SPATA9: variants seen among roughly 807,000 people sequenced by gnomAD.
SPATA9 encodes the protein spermatogenesis-associated protein 9.
In SPATA9, 27 loss-of-function variants were observed where a neutral mutation model predicts 25.5. The ratio of observed to expected loss-of-function variants is 1.06; its 90% CI spans 0.78 to 1.46. The LOEUF is 1.46. Ranked by LOEUF, SPATA9 falls within the 40% of genes most tolerant of loss-of-function variation. SPATA9 has a pLI of 0.00. For synonymous variants in SPATA9, 102 were observed against 105.7 expected (o/e 0.97, Z 0.21); for missense variants, 282 against 297.5 (o/e 0.95, Z 0.38).
At chr5:95,686,738 T>C (rs998792860), upstream of SPATA9, among the ~76,000 whole-genome samples, 1 of 152,146 alleles carries the variant, frequency 6.6e-6, no homozygotes, top group Non-Finnish European at 1.5e-5. Flanking sequence ...CATCCCACTC[T>C]GAAAAATCCA....
At chr5:95,707,120 A>G in the SPATA9 span, among the ~76,000 whole-genome samples, 1 of 152,246 alleles carries the variant, frequency 6.6e-6, no homozygotes, top group Non-Finnish European at 1.5e-5. Context: ...CTAAATTATC[A>G]TTCAAGAATA....
chr5:95,696,405 T>C (rs1401822785), intron 1 of SPATA9, among the ~76,000 whole-genome samples: 6 of 152,234 alleles, frequency 3.9e-5, no homozygotes. Context: ...TCTAGTACCA[T>C]AGAAAACATT....
intron 3 of SPATA9, among the ~76,000 whole-genome samples, chr5:95,668,929 G>A (rs879715861): frequency 6.6e-6 from 1 of 152,168 alleles, no homozygotes; most frequent in African/African-American, 2.4e-5. Flanking sequence ...ACCCTGACGA[G>A]AGTTACAAGG....
the SPATA9 span, among the ~76,000 whole-genome samples, chr5:95,714,645 G>A: frequency 6.6e-6 from 1 of 150,786 alleles, no homozygotes; most frequent in Non-Finnish European, 1.5e-5. Flanking sequence ...TTAAGAAAGA[G>A]AGAATCATTT....
At chr5:95,706,430 T>A in the SPATA9 span, among the ~76,000 whole-genome samples, 30,282 of 150,676 alleles carry the variant, frequency 0.2, 3,204 homozygotes, top group South Asian at 0.34. Context: ...ATGGGTGGAG[T>A]CGTGCCTGCT....
chr5:95,731,355 C>T, the SPATA9 span: 1 of 1,131,470 alleles, frequency 8.8e-7, no homozygotes, highest in Non-Finnish European at 1.1e-6. Context: ...CGACAGCTGC[C>T]AGCCGAGGAG....
chr5:95,660,006 C>G (rs1751120018), intron 4 of SPATA9, among the ~76,000 whole-genome samples: 1 of 152,080 alleles, frequency 6.6e-6, no homozygotes, highest in Non-Finnish European at 1.5e-5. Flanking sequence ...AACCTAAGGA[C>G]TAAAAAGTTT....
chr5:95,683,096 A>T, upstream of SPATA9: 2 of 950,292 alleles, frequency 2.1e-6, no homozygotes, highest in East Asian at 6.8e-5. Context: ...TGGAGGCATA[A>T]GGGAAGGAGT....
chr5:95,725,457 G>A, the SPATA9 span, among the ~76,000 whole-genome samples: 1 of 152,238 alleles, frequency 6.6e-6, no homozygotes, highest in Non-Finnish European at 1.5e-5. Flanking sequence ...GAAGAGGGCT[G>A]TAGCTGAAGA....
At chr5:95,661,102 A>G (rs917588029) in intron 4 of SPATA9, among the ~76,000 whole-genome samples, 4 of 151,930 alleles carry the variant, frequency 2.6e-5, no homozygotes, top group African/African-American at 4.8e-5. Flanking sequence ...CTTTACTACT[A>G]TATCTAATGG....
chr5:95,656,257 ACT>A, downstream of SPATA9: 2 of 1,613,286 alleles, frequency 1.2e-6, no homozygotes, highest in African/African-American at 1.3e-5. Flanking sequence ...TTTAAGTGTG[ACT>A]CTGATTTTTA....
chr5:95,707,865 A>G, the SPATA9 span, among the ~76,000 whole-genome samples: 5 of 152,316 alleles, frequency 3.3e-5, no homozygotes, highest in South Asian at 1.0e-3. Context: ...CAGAGTTAGT[A>G]AAAACCAGGT....
rs953150589 is a variant in SPATA9 at position 95,682,791 on chromosome 5, T to C, written c.61+3A>G. On this transcript the variant is annotated splice_donor_region_variant and intron_variant, in intron 1 of 4. Coordinates refer to ENST00000274432, the MANE Select transcript of SPATA9 (RefSeq NM_031952.4). ...ACGCCCTTTACAACAAGATTGTGTA[T>C]ACTTCTTCCAGAAAAGTTCTTCAAC... is the stretch of plus-strand genomic sequence containing the variant. 2 of 1,545,518 alleles carry C rather than the reference T, an allele frequency of 1.3e-6. No individual in the cohort carries two copies. Among genetic ancestry groups the C allele is most frequent in the South Asian group, 1.3e-5 (1 of 76,940 alleles).
At chr5:95,705,237 G>A in the SPATA9 span, among the ~76,000 whole-genome samples, 11 of 152,144 alleles carry the variant, frequency 7.2e-5, no homozygotes, top group Middle Eastern at 3.4e-3. Context: ...AAAGTGCTGC[G>A]ATTACAGGCG....
At chr5:95,655,509 G>A (rs1750693582), downstream of SPATA9, 1 of 152,698 alleles carries the variant, frequency 6.5e-6, no homozygotes, top group Non-Finnish European at 1.5e-5. Flanking sequence ...CATTTAAACA[G>A]AGAGACATGC....
upstream of SPATA9, among the ~76,000 whole-genome samples, chr5:95,702,278 C>T (rs1286077630): frequency 6.6e-6 from 1 of 152,132 alleles, no homozygotes; most frequent in Non-Finnish European, 1.5e-5. Flanking sequence ...AGAACCACAG[C>T]ACATCCTGGG....
intron 3 of SPATA9, among the ~76,000 whole-genome samples, chr5:95,669,189 G>C (rs577017898): frequency 2.0e-5 from 3 of 152,098 alleles, no homozygotes; most frequent in Non-Finnish European, 4.4e-5. Context: ...CTTTTAATCC[G>C]GTGGTCCTGT....
intron 3 of SPATA9, among the ~76,000 whole-genome samples, chr5:95,667,381 C>T (rs1272556996): frequency 4.6e-5 from 7 of 152,040 alleles, no homozygotes; most frequent in South Asian, 2.1e-4. Flanking sequence ...CTCTTCGGGC[C>T]GTACTAACTC....
chr5:95,682,344 A>T (rs901931698), intron 2 of SPATA9, among the ~76,000 whole-genome samples, 184 bp downstream of exon 2: 5 of 152,156 alleles, frequency 3.3e-5, no homozygotes, highest in African/African-American at 1.2e-4. Flanking sequence ...TTGGTCCACA[A>T]TCTCTCTGCT....
Sources: allele counts gnomAD v4.1 joint callset (sites outside exome capture counted in the v4.1 genomes callset), GRCh38; gene constraint gnomAD v4.1.1; transcripts MANE v1.5; gene names NCBI Gene and HGNC (gene_info 2026-07-23, HGNC 2026-07-21).